The following RBFOX1 variants were observed in gnomAD, a reference collection of about 807,000 sequenced individuals.
RBFOX1 encodes the protein RNA binding fox-1 homolog 1, also known as RNA binding protein fox-1 homolog 1.
Under a neutral mutation model 57.7 loss-of-function variants are expected in RBFOX1, and 8 were observed. The observed-to-expected ratio is 0.14, with a 90% confidence interval of 0.08 to 0.25. The LOEUF (loss-of-function observed/expected upper bound fraction) is 0.25, where lower values mean the gene tolerates loss of function less well. Among genes scored for constraint, RBFOX1 ranks in the 10% least tolerant of loss-of-function variants. RBFOX1 has a pLI of 1.00. For synonymous variants in RBFOX1, 326 were observed against 222.4 expected (o/e 1.47, Z -4.15); for missense variants, 611 against 548.5 (o/e 1.11, Z -1.14).
chr16:6,918,971 A>G, intron 3 of RBFOX1, among the ~76,000 whole-genome samples: 1 of 152,022 alleles, frequency 6.6e-6, no homozygotes, highest in Non-Finnish European at 1.5e-5. Context: ...TAATAACAAC[A>G]GCTAATGATT....
chr16:5,860,048 C>A (rs73517121), intron 3 of RBFOX1, among the ~76,000 whole-genome samples: 3,675 of 152,236 alleles, frequency 0.024, 173 homozygotes, highest in African/African-American at 0.084. Context: ...TGTGGGTGCC[C>A]AGAGAGCAGC....
intron 4 of RBFOX1, among the ~76,000 whole-genome samples, chr16:7,319,634 C>A (rs949172056): frequency 1.3e-5 from 2 of 152,110 alleles, no homozygotes; most frequent in Non-Finnish European, 2.9e-5. Context: ...AGCATCGAGG[C>A]GAGATTTAGA....
chr16:7,664,585 C>G (rs2068681692), intron 12 of RBFOX1, among the ~76,000 whole-genome samples: 1 of 152,050 alleles, frequency 6.6e-6, no homozygotes. Context: ...CCAACTCTGA[C>G]CTGTTAAGAT....
At position 6,701,137 on chromosome 16, in the gene RBFOX1, G is replaced by GTGTGTGTGTGTGTGTA. The variant is rs1313354954; in HGVS notation, c.-16+46502_-16+46503insATGTGTGTGTGTGTGT. Among the ~76,000 whole-genome samples, 423 of 149,398 alleles carry GTGTGTGTGTGTGTGTA rather than the reference G, an allele frequency of 2.8e-3. 3 individuals are homozygous for GTGTGTGTGTGTGTGTA. The highest frequency in any genetic ancestry group is 9.9e-3 in the African/African-American group (406 of 40,974). ...TTTATCAGTGTCTCTGTGTGTGTAT[G>GTGTGTGTGTGTGTGTA]TGTGTGTGTGTGTGTGTGTGTTTGT... On this transcript the variant is annotated intron_variant, in intron 3 of 15. Coordinates refer to ENST00000550418, the MANE Select transcript of RBFOX1 (RefSeq NM_018723.4).
At chr16:6,550,546 G>T (rs565632735) in intron 2 of RBFOX1, among the ~76,000 whole-genome samples, 5 of 151,968 alleles carry the variant, frequency 3.3e-5, no homozygotes, top group Admixed American at 2.0e-4. Flanking sequence ...AGCTGGTGTT[G>T]GACTCCTGAC....
chr16:6,675,016 G>A (rs954629553), intron 3 of RBFOX1, among the ~76,000 whole-genome samples: 8 of 151,938 alleles, frequency 5.3e-5, no homozygotes, highest in South Asian at 4.2e-4. Flanking sequence ...AGCCATTCTC[G>A]TGCCTCAGCC....
At position 5,555,007 on chromosome 16, in the gene RBFOX1, C is replaced by A. The variant is rs912943216; in HGVS notation, c.259-43895C>A. ...AGGAGTGGATGTTTATGGTCACAGACTGCACTGGGTCACTCTGACAACCAA... is the reference window on the plus strand; with the variant it reads ...AGGAGTGGATGTTTATGGTCACAGAATGCACTGGGTCACTCTGACAACCAA... On this transcript the variant is annotated intron_variant, in intron 2 of 2. Coordinates refer to the RBFOX1 transcript ENST00000585867. Among the ~76,000 whole-genome samples the A allele has an allele frequency of 2.0e-5, 3 of 152,108 alleles. 1 individual carries two copies. The highest frequency in any genetic ancestry group is 7.2e-5 in the African/African-American group (3 of 41,404).
chr16:6,914,581 A>G (rs1020935148), intron 3 of RBFOX1, among the ~76,000 whole-genome samples: 1 of 152,038 alleles, frequency 6.6e-6, no homozygotes, highest in African/African-American at 2.4e-5. Flanking sequence ...AAAACCCAAA[A>G]CAGGGATCAA....
chr16:6,456,068 A>G (rs145329273), intron 2 of RBFOX1, among the ~76,000 whole-genome samples: 321 of 152,320 alleles, frequency 2.1e-3, no homozygotes, highest in African/African-American at 7.1e-3. Flanking sequence ...ATATGTCTTT[A>G]TATGTCGAGC....
At chr16:6,843,506 G>A (rs1474822102) in intron 3 of RBFOX1, among the ~76,000 whole-genome samples, 2 of 152,040 alleles carry the variant, frequency 1.3e-5, no homozygotes, top group Non-Finnish European at 2.9e-5. Flanking sequence ...GGCTAACACT[G>A]TGAAACCCCG....
intron 4 of RBFOX1, among the ~76,000 whole-genome samples, chr16:7,172,944 C>G (rs1283489114): frequency 6.6e-6 from 1 of 152,106 alleles, no homozygotes; most frequent in Non-Finnish European, 1.5e-5. Context: ...AACTACAAAA[C>G]TAAAATTTGC....
chr16:6,331,047 G>T (rs1435913221), intron 2 of RBFOX1, among the ~76,000 whole-genome samples: 1 of 152,170 alleles, frequency 6.6e-6, no homozygotes, highest in African/African-American at 2.4e-5. Flanking sequence ...TAAGGGATCT[G>T]AAAAAGTAAG....
chr16:7,033,376 C>T (rs772671860), intron 3 of RBFOX1, among the ~76,000 whole-genome samples: 4 of 152,130 alleles, frequency 2.6e-5, no homozygotes, highest in African/African-American at 7.2e-5. Flanking sequence ...AAAAATTAGC[C>T]AGATGTGATG....
intron 2 of RBFOX1, among the ~76,000 whole-genome samples, chr16:5,521,146 C>T (rs1241699806): frequency 2.0e-5 from 3 of 152,118 alleles, no homozygotes; most frequent in Admixed American, 6.6e-5. Context: ...TCTGGCTTTC[C>T]AACCCTTGCA....
intron 4 of RBFOX1, among the ~76,000 whole-genome samples, chr16:7,122,919 A>G (rs1032869512): frequency 2.0e-5 from 3 of 152,198 alleles, no homozygotes; most frequent in African/African-American, 7.2e-5. Flanking sequence ...TTTCAAAAGC[A>G]TTATGCTAAG....
At chr16:6,759,983 C>G (rs910893641) in intron 3 of RBFOX1, among the ~76,000 whole-genome samples, 6 of 152,098 alleles carry the variant, frequency 3.9e-5, no homozygotes, top group African/African-American at 9.7e-5. Flanking sequence ...TGTGGAGTCT[C>G]TGAATATGTA....
chr16:5,377,778 C>T (rs1035025712), intron 1 of RBFOX1, among the ~76,000 whole-genome samples: 8 of 151,368 alleles, frequency 5.3e-5, no homozygotes, highest in Non-Finnish European at 8.8e-5. Context: ...CTGAACTGCA[C>T]CTCTCATCAG....
intron 4 of RBFOX1, among the ~76,000 whole-genome samples, chr16:7,166,002 G>C (rs1354264138): frequency 1.3e-5 from 2 of 150,796 alleles, no homozygotes; most frequent in African/African-American, 4.9e-5. Context: ...TTGAAGGAGT[G>C]CATAGTCTAT....
At chr16:7,702,551 A>C (rs1422257978) in intron 14 of RBFOX1, among the ~76,000 whole-genome samples, 1 of 152,186 alleles carries the variant, frequency 6.6e-6, no homozygotes, top group Non-Finnish European at 1.5e-5. Flanking sequence ...GGATTCATTT[A>C]TTTCTAGTTG....
Sources: gnomAD v4.1 joint callset for allele counts (sites outside exome capture counted in the v4.1 genomes callset) on GRCh38, gnomAD v4.1.1 for gene constraint, MANE v1.5 for transcripts, NCBI Gene and HGNC (gene_info 2026-07-23, HGNC 2026-07-21) for gene names.